The following FKBP10 variants were observed in gnomAD, a reference collection of about 807,000 sequenced individuals.
The protein encoded by FKBP10 is FKBP prolyl isomerase 10.
In FKBP10, 34 loss-of-function variants were observed where a neutral mutation model predicts 53.7. That is an observed-to-expected ratio of 0.63 (90% CI 0.48 to 0.84). The LOEUF (loss-of-function observed/expected upper bound fraction) is 0.84, where lower values mean the gene tolerates loss of function less well. Ranked by LOEUF, FKBP10 falls within the 40% of genes least tolerant of loss-of-function variation. The pLI, the probability that FKBP10 is intolerant of heterozygous loss-of-function variation, is 0.00. For missense variants in FKBP10, 748 were observed against 797.8 expected (o/e 0.94, Z 0.75); for synonymous variants, 324 against 335.7 (o/e 0.97, Z 0.38).
chr17:41,819,910 T>G lies in FKBP10; in HGVS notation c.1063+235T>G, dbSNP rs561990501. ...CGCAGTGGAGAAGGGCAGCCAAGTT[T>G]GGGGAGGGAGGGTGGTTATGGAAAA... On this transcript the variant is annotated intron_variant, in intron 6 of 9. Transcript: ENST00000321562. The G allele has an allele frequency of 3.9e-6, 6 of 1,541,178 alleles. No homozygotes were observed. The East Asian group carries it at 1.5e-4, about 38-fold the overall frequency.
intron 4 of FKBP10, 193 bp downstream of exon 4, chr17:41,818,720 CA>C: frequency 1.5e-6 from 1 of 676,374 alleles, no homozygotes; most frequent in Non-Finnish European, 2.5e-6. Flanking sequence ...GTAATCCCAG[CA>C]CTTTGGGAAG....
intron 6 of FKBP10, 135 bp from the exon 7 acceptor site, chr17:41,820,134 C>T (rs2144063160): frequency 8.0e-7 from 1 of 1,255,232 alleles, no homozygotes. Flanking sequence ...TGACTCTGGA[C>T]AAACATCCCG....
intron 1 of FKBP10, among the ~76,000 whole-genome samples, chr17:41,814,733 G>C (rs2047793517): frequency 6.6e-6 from 1 of 151,514 alleles, no homozygotes; most frequent in Admixed American, 6.6e-5. Context: ...CATGAGTGTT[G>C]AGCTTGGAAA....
Position 41,819,309 on chromosome 17 carries a change from C to G in FKBP10, c.827C>G (p.Pro276Arg). ...DAVQLETLEL[P>R]PGCVRRAGAG... is the part of the protein sequence containing the mutation. ...GTCCAGCTAGAGACGCTGGAGCTCC[C>G]CCCCGGCTGTGTCCGCAGAGCCGGG... The change falls in exon 5 of 10, where the codon CCC becomes CGC. Residue 276 changes from proline to arginine, a missense_variant. Coordinates refer to ENST00000321562, the MANE Select transcript of FKBP10 (RefSeq NM_021939.4). 1 of 1,614,134 alleles carries G rather than the reference C, an allele frequency of 6.2e-7. No homozygotes were observed.
chr17:41,822,141 T>G, intron 9 of FKBP10, 82 bp from the exon 10 acceptor site: 1 of 1,330,634 alleles, frequency 7.5e-7, no homozygotes, highest in Non-Finnish European at 1.1e-6. Flanking sequence ...AAGAAAGCAC[T>G]CACTGGCCTC....
rs781896839 is a variant in FKBP10 at position 41,816,227 on chromosome 17, C to CTTTTTTT, written c.246-815_246-809dup. On this transcript the variant is annotated intron_variant, in intron 1 of 9. Transcript: ENST00000321562. ...AAAGCCATGGCACTTTTAGAATAGG[C>CTTTTTTT]TTTTTTTTTTTTTTTTTTTTTTGAG... Among the ~76,000 whole-genome samples, 47 of 77,086 alleles carry CTTTTTTT rather than the reference C, an allele frequency of 6.1e-4. 1 individual carries two copies. The highest frequency in any genetic ancestry group is 8.2e-4 in the Non-Finnish European group (37 of 44,990). 50.6% of individuals were successfully genotyped at this position (77,086 alleles called of 152,430 possible). A position where few individuals can be genotyped will look rare whatever the true frequency, so the allele number is the denominator to read the frequency against.
In FKBP10 at chr17:41,822,110, A is replaced by C. The variant is rs1488018071; in HGVS notation, c.1564-113A>C. 4 of 1,102,202 alleles carry C rather than the reference A, an allele frequency of 3.6e-6. No individual in the cohort carries two copies. In the African/African-American group the frequency reaches 6.3e-5, roughly 17 times the overall value. The allele number at this position is 1,102,202 out of a possible 1,614,324, so 68.3% of individuals were successfully genotyped here. On this transcript the variant is annotated intron_variant, in intron 9 of 9. Transcript: ENST00000321562. ...CTTCCTGAGTTACAGGGTGCGGGGG[A>C]GCCTGGGAAAAAAGAAGAAAAAGAA...
intron 4 of FKBP10, 44 bp from the exon 5 acceptor site, chr17:41,819,166 G>A: frequency 6.2e-7 from 1 of 1,607,014 alleles, no homozygotes; most frequent in Non-Finnish European, 8.5e-7. Flanking sequence ...AGGAGCCTCG[G>A]CTTGCTCCCC....
rs1290577440 is a variant in FKBP10 at position 41,821,165 on chromosome 17, C to G, written c.1399+76C>G. 3 of 1,460,694 alleles carry G rather than the reference C, an allele frequency of 2.1e-6. No individual in the cohort carries two copies. The African/African-American group carries it at 4.8e-5, about 23-fold the overall frequency. The allele number at this position is 1,460,694 out of a possible 1,614,324, so 90.5% of individuals were successfully genotyped here. A position where few individuals can be genotyped will look rare whatever the true frequency, so the allele number is the denominator to read the frequency against. On this transcript the variant is annotated intron_variant, in intron 8 of 9. Transcript: ENST00000321562. Reference sequence around the variant, plus strand: ...TGAGATGGAGTCTGACTCTGTCACCCAGGCTGGAGTGCAGTGGTGTGCTCT... The same window carrying G: ...TGAGATGGAGTCTGACTCTGTCACCGAGGCTGGAGTGCAGTGGTGTGCTCT...
At chr17:41,818,782 C>G (rs969660843) in intron 4 of FKBP10, 16 of 479,514 alleles carry the variant, frequency 3.3e-5, no homozygotes, top group Middle Eastern at 6.0e-4. Context: ...GGTGAAACCC[C>G]GTCTCTACTA....
Position 41,821,003 on chromosome 17 carries a change from G to C in FKBP10, c.1313G>C (p.Gly438Ala). Reference protein sequence around the residue: ...ATLGANKVIEGLDTGLQGMCV... With the variant: ...ATLGANKVIEALDTGLQGMCV... ...CTCGGGGCCAACAAGGTGATCGAAGGCCTGGACACGGGCCTGCAGGGCATG... is the reference window on the plus strand; with the variant it reads ...CTCGGGGCCAACAAGGTGATCGAAGCCCTGGACACGGGCCTGCAGGGCATG... Residue 438 changes from glycine to alanine, a missense_variant, in exon 8 of 10, where the codon GGC becomes GCC. Gly to Ala is a moderately conservative substitution (Grantham distance 60, BLOSUM62 0). Transcript: ENST00000321562. 1 of 1,609,594 alleles carries C rather than the reference G, an allele frequency of 6.2e-7. No individual in the cohort carries two copies. Among genetic ancestry groups the C allele is most frequent in the African/African-American group, 1.3e-5 (1 of 75,004 alleles).
rs2047767187 is a variant in FKBP10 at position 41,813,051 on chromosome 17, C to T, written c.17C>T (p.Pro6Leu). The change falls in exon 1 of 10, where the codon CCC becomes CTC. Residue 6 changes from proline to leucine, a missense_variant. Coordinates refer to ENST00000321562, the MANE Select transcript of FKBP10 (RefSeq NM_021939.4). ...CCAGGCACCATGTTCCCCGCGGGCC[C>T]CCCCAGCCACAGCCTCCTCCGGCTC... MFPAG[P>L]PSHSLLRLPL... 6.2e-7 allele frequency: 1 copy of T among 1,610,074 alleles called. No homozygotes were observed. The highest frequency in any genetic ancestry group is 1.3e-5 in the African/African-American group (1 of 74,862).
intron 1 of FKBP10, among the ~76,000 whole-genome samples, chr17:41,813,683 T>C (rs1172522082): frequency 1.3e-5 from 2 of 152,048 alleles, no homozygotes; most frequent in African/African-American, 4.8e-5. Flanking sequence ...CCACCCTGAC[T>C]CCCCTTCTGG....
At chr17:41,816,966 CGT>C in intron 1 of FKBP10, 90 bp from the exon 2 acceptor site, 1 of 1,475,268 alleles carries the variant, frequency 6.8e-7, no homozygotes, top group Non-Finnish European at 9.4e-7. Context: ...GGATTGTGTG[CGT>C]GTGTGCAGGC....
In FKBP10 at chr17:41,823,112, T is replaced by G. The variant is rs1359497199; in HGVS notation, c.*704T>G. 6.6e-6 allele frequency: 1 copy of G among 151,944 alleles called. No individual in the cohort carries two copies. The highest frequency in any genetic ancestry group is 1.5e-5 in the Non-Finnish European group (1 of 68,466). 9.4% of individuals were successfully genotyped at this position (151,944 alleles called of 1,614,324 possible). Reference sequence around the variant, plus strand: ...GGTGTTAGGGCTATGAAATCTTGGATTTGGGGCTGAGGGGTGGGAGGGAGG... The same window carrying G: ...GGTGTTAGGGCTATGAAATCTTGGAGTTGGGGCTGAGGGGTGGGAGGGAGG... On this transcript the variant is annotated 3_prime_UTR_variant, in exon 10 of 10. Coordinates refer to ENST00000321562, the MANE Select transcript of FKBP10 (RefSeq NM_021939.4).
Position 41,822,465 on chromosome 17 carries a change from G to A in FKBP10, c.*57G>A, listed in dbSNP as rs993381623. 1 of 1,541,906 alleles carries A rather than the reference G, an allele frequency of 6.5e-7. No homozygotes were observed. Among genetic ancestry groups the A allele is most frequent in the Admixed American group, 1.9e-5 (1 of 51,452 alleles). On this transcript the variant is annotated 3_prime_UTR_variant, in exon 10 of 10. Transcript: ENST00000321562. The stretch of plus-strand genomic sequence containing the variant: ...AGAGGCCCACTGCGAGGGGGACAGT[G>A]GCGGTGGGACTGACCTGCTGACAGT...
At chr17:41,820,922 G>C (rs2047882037) in intron 7 of FKBP10, 25 bp from the exon 8 acceptor site, 4 of 1,608,622 alleles carry the variant, frequency 2.5e-6, no homozygotes, top group Non-Finnish European at 3.4e-6. Flanking sequence ...GGTGGCTGCT[G>C]ACCTGGGCAT....
chr17:41,813,502 C>G (rs1467967705), intron 1 of FKBP10, among the ~76,000 whole-genome samples: 1 of 152,138 alleles, frequency 6.6e-6, no homozygotes, highest in Non-Finnish European at 1.5e-5. Flanking sequence ...TCTCCACATC[C>G]CGGAAAGGAC....
rs375961456 is a variant in FKBP10 at position 41,819,516 on chromosome 17, G to T, written c.918-14G>T. 1 of 1,613,868 alleles carries T rather than the reference G, an allele frequency of 6.2e-7. No homozygotes were observed. Among genetic ancestry groups the T allele is most frequent in the African/African-American group, 1.3e-5 (1 of 74,904 alleles). On this transcript the variant is annotated splice_polypyrimidine_tract_variant and intron_variant, in intron 5 of 9. Coordinates refer to ENST00000321562, the MANE Select transcript of FKBP10 (RefSeq NM_021939.4). ...CTTTGACTCCCTTCCTGGCCCTCCCGCCTTGTATTGCAGCTACTCCCGCAA... is the reference window on the plus strand; with the variant it reads ...CTTTGACTCCCTTCCTGGCCCTCCCTCCTTGTATTGCAGCTACTCCCGCAA...
Sources: allele counts gnomAD v4.1 joint callset (sites outside exome capture counted in the v4.1 genomes callset), GRCh38; gene constraint gnomAD v4.1.1; transcripts MANE v1.5; gene names NCBI Gene and HGNC (gene_info 2026-07-23, HGNC 2026-07-21).